The following AUTS2 variants were observed in gnomAD, a reference collection of about 807,000 sequenced individuals.
AUTS2 encodes autism susceptibility gene 2 protein.
In AUTS2, 17 loss-of-function variants were observed where a neutral mutation model predicts 112.4. The ratio of observed to expected loss-of-function variants is 0.15; its 90% confidence interval spans 0.10 to 0.23. AUTS2 has a LOEUF of 0.23. AUTS2 is among the 10% of genes least tolerant of loss of function. The pLI, the probability that AUTS2 is intolerant of heterozygous loss-of-function variation, is 1.00. For missense variants in AUTS2, 1,510 were observed against 1,701.6 expected (o/e 0.89, Z 1.98); for synonymous variants, 751 against 702.7 (o/e 1.07, Z -1.09).
In AUTS2 at chr7:70,520,411, G is replaced by A. The variant is rs558998813; in HGVS notation, c.690+84630G>A. On this transcript the variant is annotated intron_variant, in intron 5 of 18. Coordinates refer to ENST00000342771, the MANE Select transcript of AUTS2 (RefSeq NM_015570.4). ...TGGCCTCATTTTTTTCCTGGAAAAC[G>A]CTAAATATGTTCCTTTCTCTGGGCC... Among the ~76,000 whole-genome samples the A allele has an allele frequency of 3.3e-5, 5 of 152,178 alleles. No homozygotes were observed. The South Asian group carries it at 1.0e-3, about 32-fold the overall frequency.
chr7:70,284,158 A>G (rs1788352385), intron 4 of AUTS2, among the ~76,000 whole-genome samples: 1 of 152,218 alleles, frequency 6.6e-6, no homozygotes, highest in South Asian at 2.1e-4. Flanking sequence ...ACAATAAATT[A>G]TGGCGATTTT....
At chr7:70,747,819 ATT>A (rs1258997508) in intron 6 of AUTS2, among the ~76,000 whole-genome samples, 1 of 146,038 alleles carries the variant, frequency 6.8e-6, no homozygotes, top group Non-Finnish European at 1.5e-5. Context: ...ATTTTATTTT[ATT>A]TTATTTATTT....
At chr7:70,712,267 G>A (rs540730247) in intron 6 of AUTS2, among the ~76,000 whole-genome samples, 1 of 121,672 alleles carries the variant, frequency 8.2e-6, no homozygotes, top group Non-Finnish European at 1.6e-5. Context: ...GGCTGGGCTC[G>A]AACTCCTGAG....
At chr7:70,272,194 T>C (rs562611274) in intron 4 of AUTS2, among the ~76,000 whole-genome samples, 1 of 152,118 alleles carries the variant, frequency 6.6e-6, no homozygotes, top group African/African-American at 2.4e-5. Flanking sequence ...TTTATATCAT[T>C]ACTTCAAAAC....
chr7:70,782,018 T>C, intron 15 of AUTS2: 1 of 469,100 alleles, frequency 2.1e-6, no homozygotes, highest in Non-Finnish European at 3.8e-6. Context: ...GCTTCTATAT[T>C]AAACCAGTAT....
chr7:70,406,622 G>T (rs1285403816), intron 4 of AUTS2, among the ~76,000 whole-genome samples: 3 of 152,190 alleles, frequency 2.0e-5, no homozygotes, highest in South Asian at 2.1e-4. Flanking sequence ...GCTCACGTGG[G>T]TGTATCTATG....
At chr7:69,935,947 G>A (rs1783072041) in intron 2 of AUTS2, among the ~76,000 whole-genome samples, 1 of 152,162 alleles carries the variant, frequency 6.6e-6, no homozygotes, top group Non-Finnish European at 1.5e-5. Context: ...AAGGCATTTA[G>A]TATATTTCAC....
intron 5 of AUTS2, among the ~76,000 whole-genome samples, chr7:70,580,998 A>C (rs1802408133): frequency 1.3e-5 from 2 of 152,226 alleles, no homozygotes; most frequent in South Asian, 4.2e-4. Flanking sequence ...TAATCCCAGC[A>C]CTTTGGGAGG....
chr7:70,270,690 A>G (rs1033421714), intron 4 of AUTS2, among the ~76,000 whole-genome samples: 2 of 152,164 alleles, frequency 1.3e-5, no homozygotes, highest in Admixed American at 6.5e-5. Context: ...GGACATATCA[A>G]GTAGTGTTTC....
chr7:70,213,908 A>G (rs1326843128), intron 4 of AUTS2, among the ~76,000 whole-genome samples: 1 of 152,238 alleles, frequency 6.6e-6, no homozygotes, highest in East Asian at 1.9e-4. Flanking sequence ...CAATGTTATC[A>G]TAAGAAAACA....
At chr7:70,008,620 C>T (rs765745417) in intron 2 of AUTS2, among the ~76,000 whole-genome samples, 1 of 152,122 alleles carries the variant, frequency 6.6e-6, no homozygotes, top group East Asian at 1.9e-4. Context: ...CATATCCAAA[C>T]CTCAGTATAA....
intron 15 of AUTS2, chr7:70,783,885 C>G (rs1223536142): frequency 6.6e-6 from 1 of 152,190 alleles, no homozygotes; most frequent in African/African-American, 2.4e-5. Context: ...TGCCCTAAGG[C>G]CTTTAGAAAT....
chr7:69,662,992 G>A (rs1319241635), intron 1 of AUTS2, among the ~76,000 whole-genome samples: 3 of 152,122 alleles, frequency 2.0e-5, no homozygotes, highest in Non-Finnish European at 4.4e-5. Context: ...TTTTACAAGT[G>A]GATGTTATTA....
intron 5 of AUTS2, among the ~76,000 whole-genome samples, chr7:70,572,920 T>C (rs540167960): frequency 6.6e-6 from 1 of 152,364 alleles, no homozygotes; most frequent in African/African-American, 2.4e-5. Context: ...AGAGGGGCTC[T>C]GGGACGGCTA....
rs569494231 is a variant in AUTS2, at chr7:70,583,127, C to T, written c.691-115442C>T. On this transcript the variant is annotated intron_variant, in intron 5 of 18. Transcript: ENST00000342771. ...GCCCCTGGCTGGTCTTCCTGCTGCC[C>T]GTGGATTAGCCTAGTCTCCAGAAGT... is the stretch of plus-strand genomic sequence containing the variant. 5.3e-5 allele frequency among the ~76,000 whole-genome samples: 8 copies of T among 152,288 alleles called. No individual in the cohort carries two copies. In the East Asian group the frequency reaches 1.2e-3, roughly 22 times the overall value.
chr7:70,695,169 C>G (rs1248142275), intron 5 of AUTS2: 1 of 152,478 alleles, frequency 6.6e-6, no homozygotes, highest in African/African-American at 2.4e-5. Flanking sequence ...GGGCGGGCTT[C>G]TCCCGTCTGG....
chr7:70,781,867 C>G (rs1791109012), intron 15 of AUTS2, 111 bp downstream of exon 15: 3 of 1,376,862 alleles, frequency 2.2e-6, no homozygotes, highest in Non-Finnish European at 3.0e-6. Flanking sequence ...TACAAAAATA[C>G]AGTTAATGCC....
chr7:69,871,906 G>A (rs759718336), intron 1 of AUTS2, among the ~76,000 whole-genome samples: 4 of 152,308 alleles, frequency 2.6e-5, no homozygotes, highest in Middle Eastern at 3.4e-3. Context: ...GGGGACTGCT[G>A]TACTCTGATT....
intron 1 of AUTS2, among the ~76,000 whole-genome samples, chr7:69,699,806 G>A (rs1439274627): frequency 6.6e-6 from 1 of 151,868 alleles, no homozygotes. Context: ...CGCCACACCT[G>A]GCTAATTTTT....
Sources: gnomAD v4.1 joint callset for allele counts (sites outside exome capture counted in the v4.1 genomes callset) on GRCh38, gnomAD v4.1.1 for gene constraint, MANE v1.5 for transcripts, NCBI Gene and HGNC (gene_info 2026-07-23, HGNC 2026-07-21) for gene names.